GCN1: variants seen among roughly 807,000 people sequenced by gnomAD.
The protein encoded by GCN1 is GCN1 activator of EIF2AK4.
Under a neutral mutation model 288.4 loss-of-function variants are expected in GCN1, and 90 were observed. That is an observed-to-expected ratio of 0.31 (90% CI 0.26 to 0.37). The LOEUF (loss-of-function observed/expected upper bound fraction) is 0.37, where lower values mean the gene tolerates loss of function less well. Ranked by LOEUF, GCN1 falls within the 10% of genes least tolerant of loss-of-function variation. GCN1 has a pLI of 1.00. For missense variants in GCN1, 2,586 were observed against 3,419.9 expected, an observed-to-expected ratio of 0.76 and a Z score of 6.08; for synonymous variants, 1,386 against 1,420.2, an observed-to-expected ratio of 0.98 and a Z score of 0.54.
At chr12:120,150,786 A>C (rs1877520792) in intron 34 of GCN1, among the ~76,000 whole-genome samples, 1 of 151,418 alleles carries the variant, frequency 6.6e-6, no homozygotes, top group South Asian at 2.1e-4. Flanking sequence ...AAATACAAAA[A>C]ATTAGCCGGG....
In GCN1 at chr12:120,175,144, A is replaced by G. The variant is rs766870882; in HGVS notation, c.1093+18T>C. The stretch of plus-strand genomic sequence containing the variant: ...TTTCTCTCAAAAAAAAAAAAAAAAA[A>G]AAAAAGAAATCCTATACCTGAGAGG... On this transcript the variant is annotated intron_variant, in intron 12 of 57. Transcript: ENST00000300648. The G allele has an allele frequency of 3.8e-6, 6 of 1,572,726 alleles. No homozygotes were observed. Among genetic ancestry groups the G allele is most frequent in the South Asian group, 3.5e-5 (3 of 86,366 alleles).
At chr12:120,133,985 G>A (rs551675324) in intron 53 of GCN1, among the ~76,000 whole-genome samples, 2 of 152,162 alleles carry the variant, frequency 1.3e-5, no homozygotes, top group Non-Finnish European at 2.9e-5. Flanking sequence ...CAGGAGAATC[G>A]CTTGATAGGA....
Position 120,147,255 on chromosome 12 carries a change from G to A in GCN1, c.4744C>T (p.Leu1582=). The stretch of plus-strand genomic sequence containing the variant: ...CTGGAGGGATCCGTCAGGGCATCCA[G>A]GAGGACTGGAGCAATGGCTGCACAT... The part of the protein sequence containing the change: ...PEILAIAPVL[L]DALTDPSRKT... Residue 1582 remains leucine (L), a synonymous_variant, in exon 38 of 58, where the codon CTG becomes TTG. Coordinates refer to ENST00000300648, the MANE Select transcript of GCN1 (RefSeq NM_006836.2). The A allele has an allele frequency of 6.3e-7, 1 of 1,599,028 alleles. No individual in the cohort carries two copies. Among genetic ancestry groups the A allele is most frequent in the Non-Finnish European group, 8.6e-7 (1 of 1,169,002 alleles).
chr12:120,188,933 G>T (rs1878914450), intron 2 of GCN1, among the ~76,000 whole-genome samples: 1 of 152,048 alleles, frequency 6.6e-6, no homozygotes, highest in Non-Finnish European at 1.5e-5. Flanking sequence ...CAAACAAAAT[G>T]GTTAAAAGTG....
In GCN1 at chr12:120,131,365, G is replaced by C. The variant is rs142648304; in HGVS notation, c.7415-32C>G. On this transcript the variant is annotated intron_variant, in intron 54 of 57. Coordinates refer to ENST00000300648, the MANE Select transcript of GCN1 (RefSeq NM_006836.2). ...GGAAGGACACGACTGGGATCAACCG[G>C]TATTTTACAGCATGTCCCCAGCACC... The C allele has an allele frequency of 1.2e-3, 1,887 of 1,609,066 alleles. 32 individuals carry two copies. In the African/African-American group the frequency reaches 0.022, roughly 19 times the overall value.
intron 51 of GCN1, among the ~76,000 whole-genome samples, chr12:120,136,086 C>T (rs1876995283): frequency 1.3e-5 from 2 of 152,156 alleles, no homozygotes; most frequent in Admixed American, 1.3e-4. Flanking sequence ...CAATGTTTTC[C>T]TTGTATTTAC....
At position 120,131,349 on chromosome 12, in the gene GCN1, C is replaced by T. The variant is rs1375140856; in HGVS notation, c.7415-16G>A. 12 of 1,612,600 alleles carry T rather than the reference C, an allele frequency of 7.4e-6. No homozygotes were observed. The highest frequency in any genetic ancestry group is 1.0e-5 in the Non-Finnish European group (12 of 1,179,604). On this transcript the variant is annotated splice_polypyrimidine_tract_variant and intron_variant, in intron 54 of 57. Coordinates refer to ENST00000300648, the MANE Select transcript of GCN1 (RefSeq NM_006836.2). Reference sequence around the variant, plus strand: ...GACACGTCCGCTGGGTGGAAGGACACGACTGGGATCAACCGGTATTTTACA... The same window carrying T: ...GACACGTCCGCTGGGTGGAAGGACATGACTGGGATCAACCGGTATTTTACA...
At chr12:120,187,986 A>G (rs1477991486) in intron 2 of GCN1, among the ~76,000 whole-genome samples, 1 of 152,144 alleles carries the variant, frequency 6.6e-6, no homozygotes, top group African/African-American at 2.4e-5. Context: ...GGTGCAGATC[A>G]GGATAATCAG....
rs1411389109 is a variant in GCN1, at chr12:120,138,818, C to T, written c.6033G>A (p.Arg2011=). ...YFSESLVPTA[R]KALCDPLEEV... ...CCTCCAGTGGGTCACACAAAGCCTT[C>T]CTTGCCGTGGGCACGAGGGATTCAG... The change falls in exon 46 of 58, where the codon AGG becomes AGA. Residue 2011 remains arginine, a synonymous_variant. Coordinates refer to ENST00000300648, the MANE Select transcript of GCN1 (RefSeq NM_006836.2). 6.2e-7 allele frequency: 1 copy of T among 1,613,808 alleles called. No individual in the cohort carries two copies. The highest frequency in any genetic ancestry group is 1.1e-5 in the South Asian group (1 of 91,076).
At position 120,173,670 on chromosome 12, in the gene GCN1, A is replaced by G; in HGVS notation, c.1349T>C (p.Met450Thr). ...SAVRHAYLQCMLASYRGDTLL... is the reference protein window; with the variant it reads ...SAVRHAYLQCTLASYRGDTLL... ...TGTCTTACCCCGGTAAGAGGCCAAC[A>G]TGCACTGCAGGTAGGCATGCCTCAC... The change falls in exon 14 of 58, where the codon ATG becomes ACG. Residue 450 changes from methionine to threonine, a missense_variant. By Grantham distance (81) the Met-to-Thr change is moderately conservative. This residue lies in a region of GCN1 where 913 missense variants were observed against 1,107.0 expected (regional missense o/e 0.82). Coordinates refer to ENST00000300648, the MANE Select transcript of GCN1 (RefSeq NM_006836.2). The G allele has an allele frequency of 1.2e-6, 2 of 1,608,594 alleles. No individual in the cohort carries two copies. Among genetic ancestry groups the G allele is most frequent in the Non-Finnish European group, 1.7e-6 (2 of 1,174,870 alleles).
chr12:120,161,370 G>A lies in GCN1; in HGVS notation c.2436+120C>T, dbSNP rs565844292. ...CCAGACACTGGTCAGGGGCATCAGA[G>A]GAGTGTGCCATGGGCCTCAGGATGT... is the stretch of plus-strand genomic sequence containing the variant. On this transcript the variant is annotated intron_variant, in intron 22 of 57. Coordinates refer to ENST00000300648, the MANE Select transcript of GCN1 (RefSeq NM_006836.2). 85 of 700,186 alleles carry A rather than the reference G, an allele frequency of 1.2e-4. 2 individuals carry two copies. In the Middle Eastern group the frequency reaches 1.2e-3, roughly 10 times the overall value. The allele number at this position is 700,186 out of a possible 1,614,324, so 43.4% of individuals were successfully genotyped here.
Position 120,148,148 on chromosome 12 carries a change from C to A in GCN1, c.4726+19G>T. On this transcript the variant is annotated intron_variant, in intron 37 of 57. Transcript: ENST00000300648. Reference sequence around the variant, plus strand: ...GTTGGTGGGAGGTCAGGGCAAGCACCCTCACGGGAAAGGCCTACCCAGGAT... The same window carrying A: ...GTTGGTGGGAGGTCAGGGCAAGCACACTCACGGGAAAGGCCTACCCAGGAT... 1 of 1,595,394 alleles carries A rather than the reference C, an allele frequency of 6.3e-7. No individual in the cohort carries two copies. Among genetic ancestry groups the A allele is most frequent in the Non-Finnish European group, 8.6e-7 (1 of 1,169,078 alleles).
chr12:120,159,310 T>C (rs1158845725), intron 24 of GCN1, among the ~76,000 whole-genome samples: 1 of 152,152 alleles, frequency 6.6e-6, no homozygotes, highest in Non-Finnish European at 1.5e-5. Context: ...GATTCTAGCC[T>C]CACCCGTGGG....
chr12:120,174,153 A>G lies in GCN1; in HGVS notation c.1110T>C (p.Ser370=). ...MSVLSGIGSV[S]HHVVSGPSSQ... ...TGGAAGGTCCAGACACCACGTGATG[A>G]CTGACGCTCCCAATCCCTAAAAGGC... The change falls in exon 13 of 58, where the codon AGT becomes AGC. Residue 370 remains serine (S), a synonymous_variant. Coordinates refer to ENST00000300648, the MANE Select transcript of GCN1 (RefSeq NM_006836.2). The G allele has an allele frequency of 6.3e-7, 1 of 1,595,684 alleles. No individual in the cohort carries two copies. Among genetic ancestry groups the G allele is most frequent in the South Asian group, 1.1e-5 (1 of 90,674 alleles).
At chr12:120,188,182 C>T (rs1292972022) in intron 2 of GCN1, among the ~76,000 whole-genome samples, 1 of 152,164 alleles carries the variant, frequency 6.6e-6, no homozygotes, top group Non-Finnish European at 1.5e-5. Context: ...GCCTGTAATC[C>T]CAGCACTTTG....
Position 120,160,132 on chromosome 12 carries a change from G to T in GCN1, c.2550+10C>A. 1 of 1,601,946 alleles carries T rather than the reference G, an allele frequency of 6.2e-7. No individual in the cohort carries two copies. The highest frequency in any genetic ancestry group is 8.5e-7 in the Non-Finnish European group (1 of 1,169,632). On this transcript the variant is annotated intron_variant, in intron 23 of 57. Coordinates refer to ENST00000300648, the MANE Select transcript of GCN1 (RefSeq NM_006836.2). ...TCCGGCTTGAGCATGTGGCGGAGGT[G>T]GCCACTCACCTCCTGCAGCCGCCTC...
intron 4 of GCN1, 46 bp from the exon 5 acceptor site, chr12:120,183,723 T>C (rs1186971503): frequency 1.7e-6 from 2 of 1,150,340 alleles, no homozygotes; most frequent in African/African-American, 3.0e-5. Context: ...AGCCTCCACC[T>C]TGAGGACGAA....
Position 120,142,754 on chromosome 12 carries a change from G to A in GCN1, c.5614-32C>T, listed in dbSNP as rs1053011094. The A allele has an allele frequency of 1.2e-6, 2 of 1,608,522 alleles. No homozygotes were observed. The highest frequency in any genetic ancestry group is 2.2e-5 in the East Asian group (1 of 44,862). ...CCAGTAGAAGGGGACAGAGAGTAGT[G>A]AAGCCTCTATGGCATGGGCATCAGG... On this transcript the variant is annotated intron_variant, in intron 43 of 57. Transcript: ENST00000300648. The surrounding 1 kb of genome is among the most constrained non-coding windows in gnomAD (Gnocchi z 4.9).
intron 45 of GCN1, among the ~76,000 whole-genome samples, chr12:120,140,190 C>G (rs1290125316): frequency 6.6e-6 from 1 of 152,174 alleles, no homozygotes; most frequent in East Asian, 1.9e-4. Context: ...AAGCAACTGG[C>G]CACTTGCTTA....
Sources: gnomAD v4.1 joint callset for allele counts (sites outside exome capture counted in the v4.1 genomes callset) on GRCh38, gnomAD v4.1.1 for gene constraint, gnomAD v4.1.1 regional missense constraint, Gnocchi (gnomAD v3.1) non-coding constraint, MANE v1.5 for transcripts, NCBI Gene and HGNC (gene_info 2026-07-23, HGNC 2026-07-21) for gene names.